The following CCDC181 variants were observed in gnomAD, a reference collection of about 807,000 sequenced individuals.
The protein encoded by CCDC181 is coiled-coil domain-containing protein 181.
CCDC181 carries 35 observed loss-of-function variants against 58.7 expected under a neutral mutation model. The observed-to-expected ratio is 0.60, with a 90% CI of 0.46 to 0.79. The LOEUF is 0.79. CCDC181 is among the 30% of genes least tolerant of loss of function. CCDC181 has a pLI of 0.00. For synonymous variants in CCDC181, 183 were observed against 197.5 expected, an observed-to-expected ratio of 0.93 and a Z score of 0.62; for missense variants, 517 against 583.9, an observed-to-expected ratio of 0.89 and a Z score of 1.18.
intron 4 of CCDC181, among the ~76,000 whole-genome samples, chr1:169,410,912 G>A (rs770856305): frequency 2.6e-5 from 4 of 152,160 alleles, no homozygotes; most frequent in Non-Finnish European, 4.4e-5. Flanking sequence ...GAAATTTACA[G>A]CACTAAATGC....
At chr1:169,403,776 C>G (rs1176367396) in intron 4 of CCDC181, among the ~76,000 whole-genome samples, 1 of 152,080 alleles carries the variant, frequency 6.6e-6, no homozygotes, top group Non-Finnish European at 1.5e-5. Flanking sequence ...CAAACACATT[C>G]AAAAGCTAGC....
intron 4 of CCDC181, among the ~76,000 whole-genome samples, chr1:169,403,825 G>A (rs1302346635): frequency 1.3e-5 from 2 of 152,150 alleles, no homozygotes; most frequent in Admixed American, 6.5e-5. Flanking sequence ...CAGAACTGAA[G>A]GAGATAGAGA....
At chr1:169,433,347 ATAT>A (rs770511324) in intron 2 of CCDC181, among the ~76,000 whole-genome samples, 5 of 152,060 alleles carry the variant, frequency 3.3e-5, no homozygotes, top group Non-Finnish European at 5.9e-5. Context: ...TTGGAGGACA[ATAT>A]TATTAAGATG....
At chr1:169,418,691 C>A in intron 4 of CCDC181, 1 of 320,708 alleles carries the variant, frequency 3.1e-6, no homozygotes. Context: ...TTAAGTGAGA[C>A]CAGTCTCTAG....
At chr1:169,435,938 TA>T (rs567593244) in intron 2 of CCDC181, among the ~76,000 whole-genome samples, 11 of 152,190 alleles carry the variant, frequency 7.2e-5, no homozygotes, top group Non-Finnish European at 1.0e-4. Context: ...GTAAAAATCA[TA>T]ATAACATCCC....
intron 2 of CCDC181, among the ~76,000 whole-genome samples, chr1:169,438,556 C>A (rs756260698): frequency 9.9e-5 from 15 of 152,194 alleles, no homozygotes; most frequent in Non-Finnish European, 1.9e-4. Flanking sequence ...TTTTTCATCC[C>A]AGCAAAATAC....
Position 169,419,109 on chromosome 1 carries a change from G to C in CCDC181, c.1119C>G (p.Asp373Glu). 6.2e-7 allele frequency: 1 copy of C among 1,611,404 alleles called. No homozygotes were observed. Among genetic ancestry groups the C allele is most frequent in the South Asian group, 1.1e-5 (1 of 90,214 alleles). The change falls in exon 4 of 6, where the codon GAC becomes GAG. Residue 373 changes from aspartate to glutamate, a missense_variant. Coordinates refer to ENST00000367806, the MANE Select transcript of CCDC181 (RefSeq NM_001300969.2). ...TTTGCAACCACGCTTTAAATACTAT[G>C]TCATTCTCTCTCTTTTTTTCTTTCT... The part of the protein sequence containing the change: ...EEEKEKKREN[D>E]IVFKAWLQKK...
At chr1:169,450,621 A>G (rs1657510818) in intron 2 of CCDC181, among the ~76,000 whole-genome samples, 1 of 152,222 alleles carries the variant, frequency 6.6e-6, no homozygotes, top group African/African-American at 2.4e-5. Context: ...AAGAATGTGC[A>G]TACAAGTCTT....
chr1:169,431,167 A>G (rs1170567510), upstream of CCDC181, among the ~76,000 whole-genome samples: 1 of 152,082 alleles, frequency 6.6e-6, no homozygotes, highest in Non-Finnish European at 1.5e-5. Flanking sequence ...CTGCCTCACT[A>G]CTGATTTGTG....
chr1:169,412,571 ATC>A (rs1473380855), intron 4 of CCDC181, among the ~76,000 whole-genome samples: 1 of 152,184 alleles, frequency 6.6e-6, no homozygotes, highest in African/African-American at 2.4e-5. Flanking sequence ...AGCCAAGATA[ATC>A]TAAAGCAAAA....
Position 169,421,372 on chromosome 1 carries a change from C to T in CCDC181, c.1059G>A (p.Leu353=), listed in dbSNP as rs1295448521. The part of the protein sequence containing the change: ...QKQLEEKREK[L]KREEERRKIE... The stretch of plus-strand genomic sequence containing the variant: ...CCACTTAGGTTCTCACCTCTCTTTT[C>T]AGTTTTTCTCTCTTTTCTTCTAGTT... Residue 353 remains leucine, a synonymous_variant, in exon 3 of 6, where the codon CTG becomes CTA. Transcript: ENST00000367806. The T allele has an allele frequency of 6.9e-6, 11 of 1,603,912 alleles. No individual in the cohort carries two copies. The highest frequency in any genetic ancestry group is 1.7e-4 in the Middle Eastern group (1 of 6,054).
rs758701316 is a variant in CCDC181, at chr1:169,419,133, CTCT to C, written c.1092_1094del (p.Glu365del). ...TGTCATTCTCTCTCTTTTTTTCTTT[CTCT>C]TCTTCTATTTTTCGTCGCTCTTCCT... is the stretch of plus-strand genomic sequence containing the variant. On this transcript the variant is annotated inframe_deletion, in exon 4 of 6. Coordinates refer to ENST00000367806, the MANE Select transcript of CCDC181 (RefSeq NM_001300969.2). 7 of 1,601,430 alleles carry C rather than the reference CTCT, an allele frequency of 4.4e-6. No homozygotes were observed. The East Asian group carries it at 6.7e-5, about 15-fold the overall frequency.
At chr1:169,403,372 A>G (rs1457873245) in intron 4 of CCDC181, among the ~76,000 whole-genome samples, 2 of 152,236 alleles carry the variant, frequency 1.3e-5, no homozygotes, top group East Asian at 3.8e-4. Context: ...TCTCAGCACC[A>G]CATCACACTT....
chr1:169,427,926 C>G (rs1656787135), upstream of CCDC181, among the ~76,000 whole-genome samples: 1 of 152,136 alleles, frequency 6.6e-6, no homozygotes, highest in Non-Finnish European at 1.5e-5. Flanking sequence ...AGAATTTTCT[C>G]AAATTCTGCT....
chr1:169,440,764 GAAACA>G (rs1160702841), intron 2 of CCDC181, among the ~76,000 whole-genome samples: 1 of 151,328 alleles, frequency 6.6e-6, no homozygotes, highest in African/African-American at 2.4e-5. Context: ...TAAAAATACA[GAAACA>G]AAACAAAACA....
rs1190759381 is a variant in CCDC181, at chr1:169,422,034, G to A, written c.397C>T (p.Gln133Ter). The change falls in exon 3 of 6, where the codon CAA becomes TAA. Residue 133 changes from glutamine to a stop codon, truncating the protein, a stop_gained. Coordinates refer to ENST00000367806, the MANE Select transcript of CCDC181 (RefSeq NM_001300969.2). LOFTEE classifies it high-confidence loss of function. ...VRRYIMEKIVQANKLLQNQEP... is the reference protein window; with the variant it reads ...VRRYIMEKIV The stretch of plus-strand genomic sequence containing the variant: ...TGATTCTGTAGAAGCTTGTTAGCTT[G>A]TACAATTTTCTCCATAATATATCTC... 1.2e-6 allele frequency: 2 copies of A among 1,613,992 alleles called. No individual in the cohort carries two copies. The highest frequency in any genetic ancestry group is 1.7e-5 in the Admixed American group (1 of 59,990).
chr1:169,421,034 T>G (rs1474206733), intron 3 of CCDC181, among the ~76,000 whole-genome samples: 2 of 152,180 alleles, frequency 1.3e-5, no homozygotes, highest in Non-Finnish European at 2.9e-5. Flanking sequence ...GACATTTTAT[T>G]TTTACCTATC....
Position 169,421,430 on chromosome 1 carries a change from C to G in CCDC181, c.1001G>C (p.Cys334Ser). 1.9e-6 allele frequency: 3 copies of G among 1,613,854 alleles called. No homozygotes were observed. Among genetic ancestry groups the G allele is most frequent in the Non-Finnish European group, 2.5e-6 (3 of 1,179,976 alleles). The change falls in exon 3 of 6, where the codon TGT becomes TCT. Residue 334 changes from cysteine to serine, a missense_variant. Cys to Ser is a moderately radical substitution (Grantham distance 112). Transcript: ENST00000367806. ...AHISPVTSTY[C>S]LSPRQKELQK... is the part of the protein sequence containing the mutation. Reference sequence around the variant, plus strand: ...TAGTTCTTTCTGTCGAGGGGAAAGACAGTATGTTGAAGTCACTGGTGAGAT... The same window carrying G: ...TAGTTCTTTCTGTCGAGGGGAAAGAGAGTATGTTGAAGTCACTGGTGAGAT...
At chr1:169,431,661 C>A (rs576462830), upstream of CCDC181, among the ~76,000 whole-genome samples, 44 of 152,150 alleles carry the variant, frequency 2.9e-4, no homozygotes, top group Non-Finnish European at 5.4e-4. Context: ...GCTCTTAGTT[C>A]AGTATCATCT....
Sources: allele counts gnomAD v4.1 joint callset (sites outside exome capture counted in the v4.1 genomes callset), GRCh38; gene constraint gnomAD v4.1.1; transcripts MANE v1.5; gene names NCBI Gene and HGNC (gene_info 2026-07-23, HGNC 2026-07-21).